The following CTSZ variants were observed in gnomAD, a reference collection of about 807,000 sequenced individuals.
CTSZ encodes carboxypeptidase LB.
In CTSZ, 39 loss-of-function variants were observed where a neutral mutation model predicts 32.4. The ratio of observed to expected loss-of-function variants is 1.20; its 90% CI spans 0.93 to 1.57. The LOEUF (loss-of-function observed/expected upper bound fraction) is 1.57, where lower values mean the gene tolerates loss of function less well. CTSZ is among the 40% of genes most tolerant of loss of function. The probability of loss-of-function intolerance (pLI) is 0.00; values close to 1 mark genes in which losing one functional copy is unlikely to be tolerated. For missense variants in CTSZ, 397 were observed against 419.6 expected (o/e 0.95, Z 0.47); for synonymous variants, 168 against 170.1 (o/e 0.99, Z 0.10).
Position 59,006,330 on chromosome 20 carries a change from G to C in CTSZ, c.299C>G (p.Ala100Gly). 2 of 1,609,448 alleles carry C rather than the reference G, an allele frequency of 1.2e-6. No individual in the cohort carries two copies. The highest frequency in any genetic ancestry group is 1.7e-6 in the Non-Finnish European group (2 of 1,178,066). Residue 100 changes from alanine to glycine, a missense_variant, in exon 2 of 6, where the codon GCT (alanine) becomes GGT (glycine). Physicochemically the swap from Ala to Gly is moderately conservative, Grantham distance 60. Transcript: ENST00000217131. ...AAAGGGCGGCCACTCACCCGCCATA[G>C]CGCTGGTGCTGGCGTGGGCCCAGCA... ...GSCWAHASTSAMADRINIKRK... is the reference protein window; with the variant it reads ...GSCWAHASTSGMADRINIKRK...
chr20:59,001,381 C>A (rs1435948593), intron 3 of CTSZ, 84 bp downstream of exon 3: 19 of 1,434,408 alleles, frequency 1.3e-5, no homozygotes, highest in Non-Finnish European at 1.7e-5. Flanking sequence ...AGCACGGGGT[C>A]AGGCTGGGTC....
Position 58,996,672 on chromosome 20 carries a change from G to C in CTSZ, c.768C>G (p.Tyr256Ter). ...AGWGISDGTE[Y>*]WIVRNSWGEP... Reference sequence around the variant, plus strand: ...CACCCCATGAATTCCGGACAATCCAGTACTCAGTCCCATCACTGATGCCCC... The same window carrying C: ...CACCCCATGAATTCCGGACAATCCACTACTCAGTCCCATCACTGATGCCCC... Residue 256 changes from tyrosine to a stop codon, truncating the protein, a stop_gained, in exon 5 of 6, where the codon TAC becomes TAG. Transcript: ENST00000217131. LOFTEE classifies it high-confidence loss of function. 4 of 1,614,060 alleles carry C rather than the reference G, an allele frequency of 2.5e-6. No homozygotes were observed. Among genetic ancestry groups the C allele is most frequent in the Non-Finnish European group, 3.4e-6 (4 of 1,179,970 alleles).
chr20:59,001,456 G>A lies in CTSZ; in HGVS notation c.487+9C>T. 2 of 1,601,102 alleles carry A rather than the reference G, an allele frequency of 1.2e-6. No homozygotes were observed. The highest frequency in any genetic ancestry group is 1.7e-6 in the Non-Finnish European group (2 of 1,170,234). ...GGAGGGTGGAGTGGGGGCACGGGCA[G>A]CAGCCTACCCTGGTCCTTGGCCTGG... On this transcript the variant is annotated intron_variant, in intron 3 of 5. Transcript: ENST00000217131.
At position 59,004,564 on chromosome 20, in the gene CTSZ, G is replaced by A. The variant is rs572996430; in HGVS notation, c.307+1758C>T. On this transcript the variant is annotated intron_variant, in intron 2 of 5. Coordinates refer to ENST00000217131, the MANE Select transcript of CTSZ (RefSeq NM_001336.4). The surrounding 1 kb of genome is among the most constrained non-coding windows in gnomAD (Gnocchi z 5.6). ...TCCCTAGGGAGCCCAGAATTGGGGC[G>A]GGGTGGGGCCGGGGGCTTTGTGTTC... Among the ~76,000 whole-genome samples the A allele has an allele frequency of 5.3e-5, 8 of 152,216 alleles. No homozygotes were observed. Among genetic ancestry groups the A allele is most frequent in the African/African-American group, 1.9e-4 (8 of 41,534 alleles).
At chr20:59,006,560 G>T in intron 1 of CTSZ, 75 bp from the exon 2 acceptor site, 1 of 1,483,814 alleles carries the variant, frequency 6.7e-7, no homozygotes, top group African/African-American at 1.4e-5. Flanking sequence ...CCCTCGGTAG[G>T]GCCCTCCCGC....
rs1023888166 is a variant in CTSZ, at chr20:59,006,194, G to A, written c.307+128C>T. ...CAAAGGCCCGCGCTCCTCGGCCTTA[G>A]CACCCCAGCCCAGGCTGACCTGGCC... On this transcript the variant is annotated intron_variant, in intron 2 of 5. Transcript: ENST00000217131. 24 of 1,285,446 alleles carry A rather than the reference G, an allele frequency of 1.9e-5. No homozygotes were observed. In the African/African-American group the frequency reaches 3.4e-4, roughly 18 times the overall value. 79.6% of individuals were successfully genotyped at this position (1,285,446 alleles called of 1,614,324 possible).
chr20:58,996,933 G>A (rs1015482203), intron 4 of CTSZ, 132 bp from the exon 5 acceptor site: 8 of 911,708 alleles, frequency 8.8e-6, no homozygotes, highest in Admixed American at 2.6e-5. Flanking sequence ...GAGGCAGGTG[G>A]ATCGCTTGAG....
intron 4 of CTSZ, 45 bp downstream of exon 4, chr20:58,997,558 T>TCCC (rs767337449): frequency 1.3e-4 from 202 of 1,497,958 alleles, no homozygotes; most frequent in African/African-American, 4.1e-4. Context: ...CGCGGGACCT[T>TCCC]TCCTCACCCG....
intron 3 of CTSZ, among the ~76,000 whole-genome samples, chr20:58,998,663 G>A (rs1333009300): frequency 6.6e-6 from 1 of 152,178 alleles, no homozygotes. Context: ...TCTGAGACCA[G>A]CCTGGACAAC....
chr20:59,007,187 G>C lies in CTSZ; in HGVS notation c.-59C>G. ...TCCCGCTCCGAGTCCCAGATCCCGC[G>C]CCGGCTCCCGCTCTGGATCCCGCCC... On this transcript the variant is annotated 5_prime_UTR_variant, in exon 1 of 6. Transcript: ENST00000217131. The C allele has an allele frequency of 7.7e-7, 1 of 1,292,808 alleles. No homozygotes were observed. Among genetic ancestry groups the C allele is most frequent in the Non-Finnish European group, 9.7e-7 (1 of 1,027,288 alleles). The allele number at this position is 1,292,808 out of a possible 1,614,324, so 80.1% of individuals were successfully genotyped here. A position where few individuals can be genotyped will look rare whatever the true frequency, so the allele number is the denominator to read the frequency against.
chr20:58,997,596 T>C lies in CTSZ; in HGVS notation c.638+7A>G. 1 of 1,569,544 alleles carries C rather than the reference T, an allele frequency of 6.4e-7. No homozygotes were observed. Among genetic ancestry groups the C allele is most frequent in the Admixed American group, 1.8e-5 (1 of 54,404 alleles). The stretch of plus-strand genomic sequence containing the variant: ...AACCTCTCTTTGCCCGCGGGACCTC[T>C]CCTCACCTGATGGGACCATTTGCAT... On this transcript the variant is annotated splice_region_variant and intron_variant, in intron 4 of 5. Transcript: ENST00000217131.
Position 59,004,969 on chromosome 20 carries a change from CAA to C in CTSZ, c.307+1351_307+1352del, listed in dbSNP as rs1437748611. 6.6e-6 allele frequency among the ~76,000 whole-genome samples: 1 copy of C among 152,138 alleles called. No homozygotes were observed. Among genetic ancestry groups the C allele is most frequent in the African/African-American group, 2.4e-5 (1 of 41,412 alleles). ...CACATCTTGTCACCTGACTCCCTCT[CAA>C]AGAGTTCAAGGCTTCCCACAGGCAC... On this transcript the variant is annotated intron_variant, in intron 2 of 5. Coordinates refer to ENST00000217131, the MANE Select transcript of CTSZ (RefSeq NM_001336.4). The surrounding 1 kb of genome is among the most constrained non-coding windows in gnomAD (Gnocchi z 5.6).
intron 5 of CTSZ, 130 bp from the exon 6 acceptor site, chr20:58,995,889 C>T: frequency 1.5e-6 from 1 of 687,070 alleles, no homozygotes; most frequent in Middle Eastern, 3.9e-4. Flanking sequence ...AGACAGCCCA[C>T]TCAGCTGCCC....
intron 5 of CTSZ, 117 bp from the exon 6 acceptor site, chr20:58,995,876 T>G: frequency 1.2e-6 from 1 of 810,142 alleles, no homozygotes; most frequent in Non-Finnish European, 2.0e-6. Context: ...CCTTGGGGGA[T>G]CCAGACAGCC....
Position 58,995,582 on chromosome 20 carries a change from C to T in CTSZ, c.*67G>A, listed in dbSNP as rs1245647819. The T allele has an allele frequency of 6.9e-7, 1 of 1,456,730 alleles. No homozygotes were observed. The allele number at this position is 1,456,730 out of a possible 1,614,324, so 90.2% of individuals were successfully genotyped here. ...CTGCCAGCCAGCCTGGCACACATAA[C>T]CATAGGATCCCCTCTGGTCATGGGT... On this transcript the variant is annotated 3_prime_UTR_variant, in exon 6 of 6. Transcript: ENST00000217131.
chr20:59,000,099 C>T (rs571185123), intron 3 of CTSZ, among the ~76,000 whole-genome samples: 23 of 151,052 alleles, frequency 1.5e-4, no homozygotes, highest in African/African-American at 5.6e-4. Context: ...CAGTTATGGC[C>T]GGGCGCAGCA....
intron 4 of CTSZ, 91 bp from the exon 5 acceptor site, chr20:58,996,892 C>A: frequency 6.9e-7 from 1 of 1,438,998 alleles, no homozygotes; most frequent in Non-Finnish European, 9.5e-7. Flanking sequence ...CGCCGTGGCT[C>A]ACGCCTGTAA....
chr20:58,998,314 G>A lies in CTSZ; in HGVS notation c.488-561C>T, dbSNP rs2091870722. On this transcript the variant is annotated intron_variant, in intron 3 of 5. Coordinates refer to ENST00000217131, the MANE Select transcript of CTSZ (RefSeq NM_001336.4). ...CCAGCTCTTTGGGAGGCCGAGGTGGGTGGATCACCTGAGGTCAGGAGTTTG... is the reference window on the plus strand; with the variant it reads ...CCAGCTCTTTGGGAGGCCGAGGTGGATGGATCACCTGAGGTCAGGAGTTTG... Among the ~76,000 whole-genome samples the A allele has an allele frequency of 2.0e-5, 3 of 152,166 alleles. No homozygotes were observed. In the South Asian group the frequency reaches 6.2e-4, roughly 31 times the overall value.
chr20:59,002,313 TGCACAAATGCAATAAAACAGATCCTAGAA>T lies in CTSZ; in HGVS notation c.308-698_308-670del. Among the ~76,000 whole-genome samples the T allele has an allele frequency of 6.6e-6, 1 of 152,272 alleles. No homozygotes were observed. The highest frequency in any genetic ancestry group is 2.1e-4 in the South Asian group (1 of 4,832). On this transcript the variant is annotated intron_variant, in intron 2 of 5. Coordinates refer to ENST00000217131, the MANE Select transcript of CTSZ (RefSeq NM_001336.4). The surrounding 1 kb of genome is among the most constrained non-coding windows in gnomAD (Gnocchi z 4.1). ...ACCGAGGGACCTGCTTCCCTTCCCATGCACAAATGCAATAAAACAGATCCTAGAAGGAAATCCGGGCCCATGTTCAGGGT... is the reference window on the plus strand; with the variant it reads ...ACCGAGGGACCTGCTTCCCTTCCCATGGAAATCCGGGCCCATGTTCAGGGT...
Sources: gnomAD v4.1 joint callset for allele counts (sites outside exome capture counted in the v4.1 genomes callset) on GRCh38, gnomAD v4.1.1 for gene constraint, Gnocchi (gnomAD v3.1) non-coding constraint, MANE v1.5 for transcripts, NCBI Gene and HGNC (gene_info 2026-07-23, HGNC 2026-07-21) for gene names.